Variants in HSD17B2 observed in about 807,000 individuals in gnomAD.
HSD17B2 encodes the protein 17-beta-hydroxysteroid dehydrogenase type 2.
Under a neutral mutation model 26.9 loss-of-function variants are expected in HSD17B2, and 32 were observed. The observed-to-expected ratio is 1.19, with a 90% CI of 0.90 to 1.60. The LOEUF (loss-of-function observed/expected upper bound fraction) is 1.60. Ranked by LOEUF, HSD17B2 falls within the 40% of genes most tolerant of loss-of-function variation. The pLI, the probability that HSD17B2 is intolerant of heterozygous loss-of-function variation, is 0.00. For synonymous variants in HSD17B2, 246 were observed against 186.7 expected (o/e 1.32, Z -2.59); for missense variants, 613 against 468.6 (o/e 1.31, Z -2.85).
chr16:82,067,628 A>G (rs1914602953), intron 1 of HSD17B2, among the ~76,000 whole-genome samples: 1 of 152,216 alleles, frequency 6.6e-6, no homozygotes, highest in Non-Finnish European at 1.5e-5. Context: ...TGGATAGGGA[A>G]AAAGGCCCAG....
At chr16:82,040,622 A>G (rs140739123) in intron 1 of HSD17B2, among the ~76,000 whole-genome samples, 132 of 152,312 alleles carry the variant, frequency 8.7e-4, no homozygotes, top group South Asian at 2.5e-3. Flanking sequence ...AATATTGAAC[A>G]TCTGTTATGT....
chr16:82,060,195 A>G (rs1161684145), intron 1 of HSD17B2, among the ~76,000 whole-genome samples: 1 of 152,220 alleles, frequency 6.6e-6, no homozygotes, highest in Non-Finnish European at 1.5e-5. Flanking sequence ...TAAGTCTTAA[A>G]CTAAAGGGTG....
At chr16:82,050,785 A>C (rs1261684044) in intron 1 of HSD17B2, among the ~76,000 whole-genome samples, 3 of 152,058 alleles carry the variant, frequency 2.0e-5, no homozygotes, top group Non-Finnish European at 4.4e-5. Context: ...CATGACAATT[A>C]ACTGCTTGTA....
At chr16:82,067,637 A>C (rs936453209) in intron 1 of HSD17B2, among the ~76,000 whole-genome samples, 5 of 152,240 alleles carry the variant, frequency 3.3e-5, no homozygotes, top group African/African-American at 1.2e-4. Context: ...AAAAAGGCCC[A>C]GGAGGGTGAG....
chr16:82,059,075 C>T (rs1914358800), intron 1 of HSD17B2, among the ~76,000 whole-genome samples: 1 of 152,180 alleles, frequency 6.6e-6, no homozygotes, highest in African/African-American at 2.4e-5. Flanking sequence ...CTTCTCTTTC[C>T]TGCCTGTATT....
At position 82,098,108 on chromosome 16, in the gene HSD17B2, T is replaced by C; in HGVS notation, c.836T>C (p.Leu279Pro). 1 of 1,613,712 alleles carries C rather than the reference T, an allele frequency of 6.2e-7. No individual in the cohort carries two copies. The highest frequency in any genetic ancestry group is 1.1e-5 in the South Asian group (1 of 91,028). The change falls in exon 5 of 5, where the codon CTG (leucine) becomes CCG (proline). Residue 279 changes from leucine to proline, a missense_variant. Leu to Pro is a moderately conservative substitution (Grantham distance 98, BLOSUM62 -3). Coordinates refer to ENST00000199936, the MANE Select transcript of HSD17B2 (RefSeq NM_002153.3). Reference sequence around the variant, plus strand: ...GGCACCAGTGACAAGTGGGAAAAGCTGGAGAAGGACATTCTGGACCACCTC... The same window carrying C: ...GGCACCAGTGACAAGTGGGAAAAGCCGGAGAAGGACATTCTGGACCACCTC... ...IAGTSDKWEK[L>P]EKDILDHLPA...
intron 1 of HSD17B2, among the ~76,000 whole-genome samples, chr16:82,051,970 C>A (rs1914121612): frequency 2.0e-5 from 3 of 152,222 alleles, no homozygotes; most frequent in African/African-American, 4.8e-5. Flanking sequence ...GCACCTGGTG[C>A]AGGTCTCTAT....
At chr16:82,045,306 C>G (rs889643225) in intron 1 of HSD17B2, among the ~76,000 whole-genome samples, 4 of 152,062 alleles carry the variant, frequency 2.6e-5, no homozygotes, top group African/African-American at 9.7e-5. Context: ...CCATCTTAAG[C>G]TTCCCTCTTA....
rs1286484976 is a variant in HSD17B2, at chr16:82,090,974, T to C, written c.737T>C (p.Met246Thr). ...KAAVTMFSSV[M>T]RLELSKWGIK... ...GCTGTGACCATGTTCTCATCAGTTA[T>C]GAGACTGGAGCTTTCCAAGTGGGGA... is the stretch of plus-strand genomic sequence containing the variant. The change falls in exon 4 of 5, where the codon ATG (methionine) becomes ACG (threonine). Residue 246 changes from methionine to threonine, a missense_variant. Met to Thr is a moderately conservative substitution (Grantham distance 81, BLOSUM62 -1). Transcript: ENST00000199936. 1 of 1,614,026 alleles carries C rather than the reference T, an allele frequency of 6.2e-7. No homozygotes were observed. The highest frequency in any genetic ancestry group is 8.5e-7 in the Non-Finnish European group (1 of 1,179,880).
intron 4 of HSD17B2, chr16:82,095,240 C>G (rs1406583290): frequency 2.0e-5 from 3 of 152,168 alleles, no homozygotes; most frequent in Non-Finnish European, 4.4e-5. Flanking sequence ...TTTTCAGGAC[C>G]TAGAAACCTC....
intron 2 of HSD17B2, among the ~76,000 whole-genome samples, chr16:82,069,805 C>T (rs966871980): frequency 5.9e-5 from 9 of 152,110 alleles, no homozygotes; most frequent in African/African-American, 1.4e-4. Flanking sequence ...AGCTTGATTT[C>T]GGAAGATTAT....
chr16:82,077,330 C>T (rs548099241), intron 3 of HSD17B2, among the ~76,000 whole-genome samples: 1 of 152,232 alleles, frequency 6.6e-6, no homozygotes, highest in African/African-American at 2.4e-5. Flanking sequence ...TATAGACCAA[C>T]AGAACAGGAT....
At chr16:82,073,456 C>A (rs1201083048) in intron 3 of HSD17B2, among the ~76,000 whole-genome samples, 4 of 152,076 alleles carry the variant, frequency 2.6e-5, no homozygotes, top group Admixed American at 6.5e-5. Flanking sequence ...GATCTCCCGA[C>A]CTCGTGATCT....
intron 1 of HSD17B2, among the ~76,000 whole-genome samples, chr16:82,054,985 G>C (rs7203506): frequency 0.02 from 3,058 of 152,252 alleles, 121 homozygotes; most frequent in African/African-American, 0.07. Flanking sequence ...GGTTCTTTTT[G>C]GTGGGGTCTG....
At chr16:82,053,338 A>C (rs951725844) in intron 1 of HSD17B2, among the ~76,000 whole-genome samples, 1 of 152,192 alleles carries the variant, frequency 6.6e-6, no homozygotes, top group Non-Finnish European at 1.5e-5. Context: ...TCCCAAGCAA[A>C]CTACAATTGA....
At chr16:82,076,460 A>G (rs1301628756) in intron 3 of HSD17B2, among the ~76,000 whole-genome samples, 1 of 152,286 alleles carries the variant, frequency 6.6e-6, no homozygotes, top group African/African-American at 2.4e-5. Context: ...CCTTGTTTGC[A>G]GATGATATGA....
intron 1 of HSD17B2, among the ~76,000 whole-genome samples, chr16:82,054,223 AG>A (rs367682886): frequency 1.5e-4 from 23 of 151,560 alleles, no homozygotes; most frequent in African/African-American, 5.4e-4. Flanking sequence ...AAAAAAAAAA[AG>A]AAAAAAAAGA....
chr16:82,064,776 A>G (rs1567585293), intron 1 of HSD17B2, among the ~76,000 whole-genome samples: 2 of 152,240 alleles, frequency 1.3e-5, no homozygotes, highest in African/African-American at 2.4e-5. Flanking sequence ...ATGCTCGTCT[A>G]TGTCTGTGGA....
intron 3 of HSD17B2, among the ~76,000 whole-genome samples, chr16:82,082,908 T>C (rs1005027758): frequency 2.0e-5 from 3 of 152,216 alleles, no homozygotes; most frequent in African/African-American, 7.2e-5. Context: ...GACTGGCCTG[T>C]AAGCTAGAAC....
Sources: allele counts gnomAD v4.1 joint callset (sites outside exome capture counted in the v4.1 genomes callset), GRCh38; gene constraint gnomAD v4.1.1; transcripts MANE v1.5; gene names NCBI Gene and HGNC (gene_info 2026-07-23, HGNC 2026-07-21).